Variants in GPM6A observed in about 807,000 individuals in gnomAD.
The protein encoded by GPM6A is neuronal membrane glycoprotein M6-a.
In GPM6A, 7 loss-of-function variants were observed where a neutral mutation model predicts 32.1. That is an observed-to-expected ratio of 0.22 (90% CI 0.12 to 0.41). The LOEUF (loss-of-function observed/expected upper bound fraction) is 0.41, where lower values mean the gene tolerates loss of function less well. Ranked by LOEUF, GPM6A falls within the 10% of genes least tolerant of loss-of-function variation. The pLI is 1.00. For synonymous variants in GPM6A, 130 were observed against 123.4 expected (o/e 1.05, Z -0.35); for missense variants, 235 against 347.2 (o/e 0.68, Z 2.57).
intron 1 of GPM6A, among the ~76,000 whole-genome samples, chr4:175,957,723 A>G (rs1252642145): frequency 1.3e-5 from 2 of 152,362 alleles, no homozygotes; most frequent in African/African-American, 4.8e-5. Context: ...TATTAAAAAA[A>G]TCAATAGTAG....
At chr4:175,802,639 AC>A (rs1233460149) in intron 1 of GPM6A, among the ~76,000 whole-genome samples, 1 of 152,110 alleles carries the variant, frequency 6.6e-6, no homozygotes, top group Non-Finnish European at 1.5e-5. Flanking sequence ...ATGATTTCAA[AC>A]TGTTATTTCT....
intron 1 of GPM6A, among the ~76,000 whole-genome samples, chr4:175,921,733 G>A (rs767719744): frequency 6.6e-6 from 1 of 152,160 alleles, no homozygotes; most frequent in Non-Finnish European, 1.5e-5. Flanking sequence ...CTGACCATGA[G>A]CCATCACCTT....
At chr4:175,900,202 G>A (rs1281321330) in intron 1 of GPM6A, among the ~76,000 whole-genome samples, 9 of 151,342 alleles carry the variant, frequency 5.9e-5, no homozygotes, top group Admixed American at 5.9e-4. Flanking sequence ...GAACCCAAGA[G>A]GCGGAGGTTG....
chr4:175,956,407 G>A (rs967069593), intron 1 of GPM6A, among the ~76,000 whole-genome samples: 2 of 151,990 alleles, frequency 1.3e-5, no homozygotes, highest in Admixed American at 6.6e-5. Context: ...TCATTTGCTC[G>A]AATTCATATC....
chr4:175,752,376 G>T (rs1363310853), intron 1 of GPM6A, among the ~76,000 whole-genome samples: 1 of 152,094 alleles, frequency 6.6e-6, no homozygotes, highest in African/African-American at 2.4e-5. Context: ...GATTTAGGAA[G>T]TGTATCTGCA....
At chr4:175,888,767 T>C (rs1395878903) in intron 1 of GPM6A, among the ~76,000 whole-genome samples, 1 of 152,130 alleles carries the variant, frequency 6.6e-6, no homozygotes, top group Non-Finnish European at 1.5e-5. Context: ...TTCCCTATAA[T>C]TGTATAAACT....
chr4:175,722,923 C>T (rs184561518), intron 1 of GPM6A, among the ~76,000 whole-genome samples: 2 of 151,792 alleles, frequency 1.3e-5, no homozygotes, highest in South Asian at 2.1e-4. Flanking sequence ...GTGGTACACA[C>T]CTGTAATCCC....
intron 1 of GPM6A, among the ~76,000 whole-genome samples, chr4:175,849,663 G>T (rs906410102): frequency 1.1e-4 from 17 of 152,130 alleles, no homozygotes; most frequent in Non-Finnish European, 2.4e-4. Flanking sequence ...TTTAATATTT[G>T]CCAATCTTAT....
chr4:175,764,484 T>C (rs1226445443), intron 1 of GPM6A, among the ~76,000 whole-genome samples: 1 of 152,194 alleles, frequency 6.6e-6, no homozygotes, highest in Non-Finnish European at 1.5e-5. Context: ...CTTGCTTTTC[T>C]AGATAACGTA....
At chr4:175,962,268 G>A in intron 1 of GPM6A, 1 of 1,337,064 alleles carries the variant, frequency 7.5e-7, no homozygotes. Context: ...AAACTCAAAT[G>A]CCTTTTCAAC....
At chr4:175,718,706 G>T (rs1315379072) in intron 1 of GPM6A, among the ~76,000 whole-genome samples, 1 of 152,118 alleles carries the variant, frequency 6.6e-6, no homozygotes, top group African/African-American at 2.4e-5. Context: ...AGGAATGTAT[G>T]AAACAGGTTT....
At chr4:175,909,484 C>T (rs1226265902) in intron 1 of GPM6A, among the ~76,000 whole-genome samples, 1 of 151,968 alleles carries the variant, frequency 6.6e-6, no homozygotes, top group Non-Finnish European at 1.5e-5. Flanking sequence ...TAAATAAATT[C>T]CTTAATGGTA....
At chr4:175,956,182 G>A (rs1739980057) in intron 1 of GPM6A, among the ~76,000 whole-genome samples, 1 of 152,172 alleles carries the variant, frequency 6.6e-6, no homozygotes, top group African/African-American at 2.4e-5. Flanking sequence ...TCCTGTTCTA[G>A]AGGAGCCATT....
At position 175,669,516 on chromosome 4, in the gene GPM6A, C is replaced by G. The variant is rs138664486; in HGVS notation, c.387+4164G>C. ...ACATTTCCTTTGAGCATCACGTTGA[C>G]GCTCAAAAAGTTTCACATTTTGGAG... On this transcript the variant is annotated intron_variant, in intron 3 of 6. Coordinates refer to ENST00000393658, the MANE Select transcript of GPM6A (RefSeq NM_201591.3). 3.9e-3 allele frequency among the ~76,000 whole-genome samples: 587 copies of G among 152,254 alleles called. 5 individuals are homozygous for G. Among genetic ancestry groups the G allele is most frequent in the African/African-American group, 0.013 (550 of 41,552 alleles).
chr4:175,637,656 A>T (rs1208681960), intron 6 of GPM6A, among the ~76,000 whole-genome samples: 1 of 18,210 alleles, frequency 5.5e-5, no homozygotes, highest in Non-Finnish European at 1.8e-4. Context: ...TATAAAATAT[A>T]AAATATATAA....
chr4:175,966,006 G>T (rs1207287855), intron 1 of GPM6A, among the ~76,000 whole-genome samples: 2 of 152,160 alleles, frequency 1.3e-5, no homozygotes, highest in Non-Finnish European at 2.9e-5. Flanking sequence ...TAACCAAAAT[G>T]AAATGGAACA....
At chr4:175,952,760 T>C (rs1375962750) in intron 1 of GPM6A, among the ~76,000 whole-genome samples, 1 of 151,852 alleles carries the variant, frequency 6.6e-6, no homozygotes, top group East Asian at 1.9e-4. Flanking sequence ...AAAGCAGAAA[T>C]CCGGTGGGGG....
intron 1 of GPM6A, among the ~76,000 whole-genome samples, chr4:175,728,575 C>T (rs190629035): frequency 1.3e-5 from 2 of 152,296 alleles, no homozygotes; most frequent in East Asian, 1.9e-4. Flanking sequence ...GGTCTCAGTA[C>T]TGCTAAGTAA....
chr4:175,979,410 A>G (rs1404871429), intron 1 of GPM6A, among the ~76,000 whole-genome samples: 6 of 152,202 alleles, frequency 3.9e-5, no homozygotes, highest in African/African-American at 1.4e-4. Flanking sequence ...GTCAAAAGTA[A>G]ATATCAATCA....
Sources: allele counts gnomAD v4.1 joint callset (sites outside exome capture counted in the v4.1 genomes callset), GRCh38; gene constraint gnomAD v4.1.1; transcripts MANE v1.5; gene names NCBI Gene and HGNC (gene_info 2026-07-23, HGNC 2026-07-21).